The following REDIC1 variants were observed in gnomAD, a reference collection of about 807,000 sequenced individuals.
REDIC1 encodes HEI10 Interacting Protein 1.
At chr12:39,744,124 A>G in the REDIC1 span, among the ~76,000 whole-genome samples, 1 of 152,376 alleles carries the variant, frequency 6.6e-6, no homozygotes, top group Admixed American at 6.5e-5. Context: ...TTATAAAGGA[A>G]TAAAGAATTA....
the REDIC1 span, among the ~76,000 whole-genome samples, chr12:39,903,446 C>G: frequency 6.6e-6 from 1 of 152,156 alleles, no homozygotes; most frequent in Admixed American, 6.6e-5. Context: ...GTGATTCTGG[C>G]CCCCCAGTAT....
At chr12:39,771,678 A>G in the REDIC1 span, among the ~76,000 whole-genome samples, 2 of 152,072 alleles carry the variant, frequency 1.3e-5, no homozygotes, top group African/African-American at 4.8e-5. Context: ...TAGTAAATGA[A>G]TACAGTTTCC....
At chr12:39,741,807 T>C in the REDIC1 span, among the ~76,000 whole-genome samples, 2 of 152,168 alleles carry the variant, frequency 1.3e-5, no homozygotes, top group Non-Finnish European at 2.9e-5. Context: ...TAAGGCTCTG[T>C]CTAAAACTTG....
chr12:39,815,799 T>C, the REDIC1 span, among the ~76,000 whole-genome samples: 2 of 152,320 alleles, frequency 1.3e-5, no homozygotes, highest in East Asian at 3.9e-4. Flanking sequence ...CAAATAAATG[T>C]TGTTTTAGTT....
At chr12:39,747,412 A>G in the REDIC1 span, among the ~76,000 whole-genome samples, 4 of 152,234 alleles carry the variant, frequency 2.6e-5, no homozygotes, top group Non-Finnish European at 5.9e-5. Context: ...GCCTCCAATA[A>G]ATACGGGACT....
chr12:39,782,658 G>GA, the REDIC1 span, among the ~76,000 whole-genome samples: 1 of 152,146 alleles, frequency 6.6e-6, no homozygotes, highest in Non-Finnish European at 1.5e-5. Flanking sequence ...ACTTGACATT[G>GA]GAACTGGGTA....
the REDIC1 span, among the ~76,000 whole-genome samples, chr12:39,875,531 C>A: frequency 1.3e-5 from 2 of 152,118 alleles, no homozygotes; most frequent in South Asian, 2.1e-4. Context: ...GTTTGTATGT[C>A]CTTGGGGGGA....
the REDIC1 span, among the ~76,000 whole-genome samples, chr12:39,647,421 C>T: frequency 4.0e-5 from 6 of 151,814 alleles, no homozygotes; most frequent in East Asian, 9.7e-4. Context: ...TTTGAATTGC[C>T]AGAGTTAAGC....
the REDIC1 span, among the ~76,000 whole-genome samples, chr12:39,678,189 C>G: frequency 3.3e-5 from 5 of 150,932 alleles, no homozygotes; most frequent in African/African-American, 7.3e-5. Flanking sequence ...ATTGATGGAC[C>G]ATTAGCAAGA....
the REDIC1 span, among the ~76,000 whole-genome samples, chr12:39,712,756 T>C: frequency 2.9e-3 from 430 of 146,654 alleles, 2 homozygotes; most frequent in African/African-American, 1.0e-2. Context: ...TACACATATG[T>C]GTATATACGT....
chr12:39,790,440 A>G, the REDIC1 span, among the ~76,000 whole-genome samples: 4 of 144,856 alleles, frequency 2.8e-5, no homozygotes, highest in African/African-American at 5.2e-5. Flanking sequence ...TCATTGTTCA[A>G]TTCCCACCTA....
At chr12:39,709,851 G>A in the REDIC1 span, among the ~76,000 whole-genome samples, 1 of 151,646 alleles carries the variant, frequency 6.6e-6, no homozygotes, top group East Asian at 1.9e-4. Context: ...AAGTTATATT[G>A]CTGGATTATA....
chr12:39,721,239 TAAG>T, the REDIC1 span: 1 of 1,611,554 alleles, frequency 6.2e-7, no homozygotes, highest in Admixed American at 1.7e-5. Flanking sequence ...AGGAAATCCA[TAAG>T]AACAACTAAT....
At chr12:39,896,268 ATATATGTATACATGTATGTATATG>A in the REDIC1 span, among the ~76,000 whole-genome samples, 1 of 135,094 alleles carries the variant, frequency 7.4e-6, no homozygotes, top group African/African-American at 2.7e-5. Context: ...ATATGTGTGT[ATATATGTATACATGTATGTATATG>A]TGTGTATATA....
the REDIC1 span, among the ~76,000 whole-genome samples, chr12:39,715,031 G>C: frequency 6.6e-6 from 1 of 151,884 alleles, no homozygotes; most frequent in African/African-American, 2.4e-5. Context: ...TTACTTTTCT[G>C]ACTGTTCCTT....
chr12:39,713,887 A>G, the REDIC1 span, among the ~76,000 whole-genome samples: 12 of 148,588 alleles, frequency 8.1e-5, no homozygotes, highest in Admixed American at 5.4e-4. Context: ...TTACGTATAT[A>G]CACTTATACG....
the REDIC1 span, among the ~76,000 whole-genome samples, chr12:39,900,901 A>G: frequency 2.6e-5 from 4 of 152,214 alleles, no homozygotes; most frequent in African/African-American, 9.6e-5. Context: ...AGCCAAAAGA[A>G]CAAAGCTGGA....
chr12:39,847,635 G>A, the REDIC1 span, among the ~76,000 whole-genome samples: 1 of 151,954 alleles, frequency 6.6e-6, no homozygotes, highest in African/African-American at 2.4e-5. Context: ...GAGCCTGGAT[G>A]CCTGATGATA....
At chr12:39,711,851 A>ATG in the REDIC1 span, among the ~76,000 whole-genome samples, 4 of 77,296 alleles carry the variant, frequency 5.2e-5, no homozygotes, top group Non-Finnish European at 1.0e-4. Flanking sequence ...ATACACATGC[A>ATG]TGTGTATGTG....
Sources: allele counts gnomAD v4.1 joint callset (sites outside exome capture counted in the v4.1 genomes callset), GRCh38; gene constraint gnomAD v4.1.1; transcripts MANE v1.5; gene names NCBI Gene and HGNC (gene_info 2026-07-23, HGNC 2026-07-21).